The following DYNC1I1 variants were observed in gnomAD, a reference collection of about 807,000 sequenced individuals.
DYNC1I1 encodes cytoplasmic dynein 1 intermediate chain 1.
DYNC1I1 carries 43 observed loss-of-function variants against 86.6 expected under a neutral mutation model. The observed-to-expected ratio is 0.50, with a 90% CI of 0.39 to 0.64. The LOEUF is 0.64. Ranked by LOEUF, DYNC1I1 falls within the 30% of genes least tolerant of loss-of-function variation. The pLI, the probability that DYNC1I1 is intolerant of heterozygous loss-of-function variation, is 0.00. For missense variants in DYNC1I1, 604 were observed against 788.8 expected (o/e 0.77, Z 2.81); for synonymous variants, 262 against 283.7 (o/e 0.92, Z 0.77).
chr7:95,876,708 C>A (rs563684468), intron 6 of DYNC1I1, among the ~76,000 whole-genome samples: 1 of 152,244 alleles, frequency 6.6e-6, no homozygotes, highest in Admixed American at 6.5e-5. Flanking sequence ...AATAATATTA[C>A]AAGGCATAGC....
downstream of DYNC1I1, among the ~76,000 whole-genome samples, chr7:96,099,902 C>T (rs1177329745): frequency 6.6e-6 from 1 of 152,140 alleles, no homozygotes; most frequent in Non-Finnish European, 1.5e-5. Context: ...ATGTAAGAAG[C>T]ACAACTACCC....
intron 6 of DYNC1I1, among the ~76,000 whole-genome samples, chr7:95,873,135 A>G (rs1790217426): frequency 1.3e-5 from 2 of 152,212 alleles, no homozygotes; most frequent in Admixed American, 6.5e-5. Flanking sequence ...TTGTTTTGAT[A>G]GTCACCTGGT....
chr7:95,910,214 C>A (rs530831080), intron 6 of DYNC1I1, among the ~76,000 whole-genome samples: 1 of 152,030 alleles, frequency 6.6e-6, no homozygotes, highest in African/African-American at 2.4e-5. Flanking sequence ...TGAATTATTT[C>A]TTCATATTTC....
chr7:95,822,725 A>G (rs1034749074), intron 4 of DYNC1I1, among the ~76,000 whole-genome samples: 10 of 152,344 alleles, frequency 6.6e-5, no homozygotes, highest in East Asian at 5.8e-4. Flanking sequence ...TAAGAAATCA[A>G]TTGAAACTAA....
chr7:95,916,466 T>C (rs1413553910), intron 6 of DYNC1I1, among the ~76,000 whole-genome samples: 2 of 152,216 alleles, frequency 1.3e-5, no homozygotes, highest in East Asian at 1.9e-4. Flanking sequence ...AATATTTGAA[T>C]ATGTTTATTT....
At chr7:96,085,824 G>T (rs1437238581) in intron 16 of DYNC1I1, among the ~76,000 whole-genome samples, 1 of 152,142 alleles carries the variant, frequency 6.6e-6, no homozygotes, top group African/African-American at 2.4e-5. Context: ...CTTGCAATTT[G>T]TTTGTTTTGG....
At chr7:95,841,463 G>A (rs1433790159) in intron 5 of DYNC1I1, among the ~76,000 whole-genome samples, 7 of 152,176 alleles carry the variant, frequency 4.6e-5, no homozygotes, top group African/African-American at 1.7e-4. Flanking sequence ...AGGAGTCATG[G>A]GACGAGCCTG....
chr7:95,831,617 A>G (rs557177852), intron 5 of DYNC1I1, among the ~76,000 whole-genome samples: 22 of 152,286 alleles, frequency 1.4e-4, no homozygotes, highest in South Asian at 8.3e-4. Flanking sequence ...CCAATTTACA[A>G]TCTTACCAAC....
At chr7:96,075,537 C>T (rs1790305959) in intron 14 of DYNC1I1, among the ~76,000 whole-genome samples, 1 of 152,280 alleles carries the variant, frequency 6.6e-6, no homozygotes, top group Non-Finnish European at 1.5e-5. Flanking sequence ...CAAAAGAACC[C>T]TTAAAATGTG....
intron 5 of DYNC1I1, among the ~76,000 whole-genome samples, chr7:95,853,498 A>G (rs755222113): frequency 6.6e-6 from 1 of 152,212 alleles, no homozygotes; most frequent in Non-Finnish European, 1.5e-5. Flanking sequence ...ATTATAAATT[A>G]GCCAGTTTGT....
At chr7:95,775,591 C>T (rs1396101302) in intron 1 of DYNC1I1, among the ~76,000 whole-genome samples, 4 of 152,158 alleles carry the variant, frequency 2.6e-5, no homozygotes, top group Non-Finnish European at 4.4e-5. Context: ...CAAGTATAGC[C>T]GCACTTTTTG....
intron 14 of DYNC1I1, among the ~76,000 whole-genome samples, chr7:96,041,685 C>T (rs574194009): frequency 5.0e-4 from 76 of 152,022 alleles, no homozygotes; most frequent in Non-Finnish European, 7.4e-4. Flanking sequence ...ATGGAGTGAT[C>T]CCTAAGATAC....
intron 14 of DYNC1I1, among the ~76,000 whole-genome samples, chr7:96,049,381 G>GT (rs955036317): frequency 2.0e-5 from 3 of 151,922 alleles, no homozygotes; most frequent in Admixed American, 6.6e-5. Context: ...TGGAAATGGA[G>GT]TTTTTTGGCC....
chr7:96,077,278 G>GT (rs1562996246), intron 15 of DYNC1I1, among the ~76,000 whole-genome samples: 5 of 135,726 alleles, frequency 3.7e-5, no homozygotes, highest in Admixed American at 2.9e-4. Context: ...TGTGTGTGTG[G>GT]GAGGGGGCAG....
chr7:95,857,855 T>G (rs1789767202), intron 5 of DYNC1I1, among the ~76,000 whole-genome samples: 2 of 152,230 alleles, frequency 1.3e-5, no homozygotes, highest in South Asian at 4.1e-4. Context: ...ATGTAGTGAA[T>G]AAAGATTCTT....
At chr7:95,821,530 A>T (rs4729209) in intron 4 of DYNC1I1, among the ~76,000 whole-genome samples, 14,155 of 152,020 alleles carry the variant, frequency 0.093, 707 homozygotes, top group South Asian at 0.13. Flanking sequence ...AAGAAATAAG[A>T]TTTTCAGGGC....
intron 5 of DYNC1I1, among the ~76,000 whole-genome samples, chr7:95,848,561 G>C (rs1273025625): frequency 6.6e-6 from 1 of 151,994 alleles, no homozygotes; most frequent in Admixed American, 6.6e-5. Flanking sequence ...CAAATGACAG[G>C]ATTGTCTTTA....
chr7:95,942,077 C>G (rs1289100569), intron 6 of DYNC1I1, among the ~76,000 whole-genome samples: 1 of 152,068 alleles, frequency 6.6e-6, no homozygotes, highest in Non-Finnish European at 1.5e-5. Context: ...ATTAATGAAT[C>G]CAGGAGCTGG....
At chr7:96,092,789 T>C (rs562540482) in intron 16 of DYNC1I1, among the ~76,000 whole-genome samples, 1 of 152,244 alleles carries the variant, frequency 6.6e-6, no homozygotes, top group Admixed American at 6.5e-5. Context: ...TTCCACAACT[T>C]TTGCACTTTT....
Sources: allele counts gnomAD v4.1 joint callset (sites outside exome capture counted in the v4.1 genomes callset), GRCh38; gene constraint gnomAD v4.1.1; transcripts MANE v1.5; gene names NCBI Gene and HGNC (gene_info 2026-07-23, HGNC 2026-07-21).